The following SMYD3 variants were observed in gnomAD, a reference collection of about 807,000 sequenced individuals.
The protein encoded by SMYD3 is histone-lysine N-methyltransferase SMYD3.
Under a neutral mutation model 57.7 loss-of-function variants are expected in SMYD3, and 36 were observed. That is an observed-to-expected ratio of 0.62 (90% CI 0.48 to 0.82). The LOEUF (loss-of-function observed/expected upper bound fraction) is 0.82, where lower values mean the gene tolerates loss of function less well. Among genes scored for constraint, SMYD3 ranks in the 40% least tolerant of loss-of-function variants. The probability of loss-of-function intolerance (pLI) is 0.00; values close to 1 mark genes in which losing one functional copy is unlikely to be tolerated. For synonymous variants in SMYD3, 211 were observed against 195.0 expected (o/e 1.08, Z -0.68); for missense variants, 515 against 538.8 (o/e 0.96, Z 0.44).
chr1:246,320,094 G>A (rs1462466465), intron 5 of SMYD3, among the ~76,000 whole-genome samples: 3 of 151,600 alleles, frequency 2.0e-5, no homozygotes, highest in Non-Finnish European at 4.4e-5. Flanking sequence ...ATTTCTTATC[G>A]TATTGTGAAT....
chr1:246,096,350 T>C (rs1249456898), intron 5 of SMYD3: 1 of 152,210 alleles, frequency 6.6e-6, no homozygotes, highest in Non-Finnish European at 1.5e-5. Context: ...GTCTTGCCAG[T>C]GGGCAGCTGT....
At chr1:246,118,892 C>T (rs1328881013) in intron 5 of SMYD3, among the ~76,000 whole-genome samples, 1 of 150,464 alleles carries the variant, frequency 6.6e-6, no homozygotes, top group African/African-American at 2.4e-5. Flanking sequence ...CACCTTGAAC[C>T]GTGCAGGACC....
chr1:246,056,598 A>G (rs1188872380), intron 5 of SMYD3, among the ~76,000 whole-genome samples: 1 of 151,968 alleles, frequency 6.6e-6, no homozygotes, highest in Admixed American at 6.6e-5. Flanking sequence ...ATGAGGGGAA[A>G]TAACAAGAGG....
intron 1 of SMYD3, among the ~76,000 whole-genome samples, chr1:246,481,141 G>A (rs1037191546): frequency 6.6e-6 from 1 of 152,056 alleles, no homozygotes; most frequent in Non-Finnish European, 1.5e-5. Flanking sequence ...CAGAGAAAGA[G>A]CAATACACAT....
At chr1:246,376,665 G>A (rs1047861218) in intron 1 of SMYD3, among the ~76,000 whole-genome samples, 7 of 150,144 alleles carry the variant, frequency 4.7e-5, no homozygotes, top group Admixed American at 1.3e-4. Context: ...TACTTGAACT[G>A]TGCACTTATA....
intron 1 of SMYD3, among the ~76,000 whole-genome samples, chr1:246,410,100 A>G (rs2066939053): frequency 6.6e-6 from 1 of 152,208 alleles, no homozygotes; most frequent in South Asian, 2.1e-4. Flanking sequence ...TAGATATACA[A>G]TCATGTCATC....
chr1:245,778,198 G>A (rs1342681958), intron 10 of SMYD3, among the ~76,000 whole-genome samples: 2 of 152,036 alleles, frequency 1.3e-5, no homozygotes, highest in Admixed American at 6.5e-5. Flanking sequence ...GAAACACAAA[G>A]GAATTACAAG....
intron 10 of SMYD3, among the ~76,000 whole-genome samples, chr1:245,765,416 G>C (rs1335193538): frequency 6.6e-6 from 1 of 151,892 alleles, no homozygotes; most frequent in Non-Finnish European, 1.5e-5. Flanking sequence ...TTTCCTTGAG[G>C]CTGAATCATC....
intron 5 of SMYD3, among the ~76,000 whole-genome samples, chr1:246,274,451 G>A (rs1056256841): frequency 1.3e-5 from 2 of 152,222 alleles, no homozygotes; most frequent in African/African-American, 2.4e-5. Flanking sequence ...TTTTATCTGG[G>A]GCTCTGCTTC....
intron 1 of SMYD3, among the ~76,000 whole-genome samples, chr1:246,478,319 G>GAAAGT (rs2068054152): frequency 6.6e-6 from 1 of 152,224 alleles, no homozygotes; most frequent in Non-Finnish European, 1.5e-5. Flanking sequence ...AGGTGAGAAA[G>GAAAGT]CACTGGTCTA....
intron 5 of SMYD3, among the ~76,000 whole-genome samples, chr1:246,012,302 A>C (rs1179649387): frequency 6.6e-6 from 1 of 152,360 alleles, no homozygotes; most frequent in South Asian, 2.1e-4. Flanking sequence ...CACTGTGAAA[A>C]CCCACATTTG....
intron 5 of SMYD3, among the ~76,000 whole-genome samples, chr1:246,286,018 G>A (rs7539976): frequency 0.046 from 7,055 of 152,126 alleles, 549 homozygotes; most frequent in African/African-American, 0.16. Flanking sequence ...CTGTGAAAAG[G>A]GAACACTTCT....
chr1:245,961,221 T>C (rs1019903611), intron 5 of SMYD3, among the ~76,000 whole-genome samples: 7 of 152,198 alleles, frequency 4.6e-5, no homozygotes, highest in African/African-American at 1.7e-4. Flanking sequence ...ATGCTCTCTC[T>C]TCTCATAGAA....
chr1:246,249,696 A>T (rs1242267529), intron 5 of SMYD3, among the ~76,000 whole-genome samples: 4 of 152,194 alleles, frequency 2.6e-5, no homozygotes, highest in South Asian at 2.1e-4. Flanking sequence ...TTTCACCCTT[A>T]AAAAATGTGT....
chr1:245,750,741 T>G (rs2045310994), intron 11 of SMYD3, among the ~76,000 whole-genome samples: 3 of 148,552 alleles, frequency 2.0e-5, no homozygotes, highest in African/African-American at 2.5e-5. Flanking sequence ...TGGGGTGGGG[T>G]GGACTGGGGA....
chr1:245,759,654 C>T (rs77403420), intron 11 of SMYD3, among the ~76,000 whole-genome samples: 2 of 152,156 alleles, frequency 1.3e-5, no homozygotes, highest in African/African-American at 2.4e-5. Context: ...CTAGGACTTG[C>T]GGCCTGGTGC....
intron 5 of SMYD3, among the ~76,000 whole-genome samples, chr1:246,076,328 T>C (rs1453155798): frequency 6.6e-6 from 1 of 152,182 alleles, no homozygotes; most frequent in Non-Finnish European, 1.5e-5. Flanking sequence ...TTCCTATATA[T>C]AGTTAGCCAG....
intron 5 of SMYD3, among the ~76,000 whole-genome samples, chr1:246,199,382 A>C (rs1250442021): frequency 7.9e-5 from 12 of 152,210 alleles, no homozygotes. Context: ...TGGATATATA[A>C]AGAATAAGGA....
intron 8 of SMYD3, among the ~76,000 whole-genome samples, chr1:245,874,721 G>C (rs911195906): frequency 1.3e-5 from 2 of 152,142 alleles, no homozygotes; most frequent in Admixed American, 1.3e-4. Context: ...AAAAATTCTA[G>C]AATTGTATTT....
Sources: gnomAD v4.1 joint callset for allele counts (sites outside exome capture counted in the v4.1 genomes callset) on GRCh38, gnomAD v4.1.1 for gene constraint, MANE v1.5 for transcripts, NCBI Gene and HGNC (gene_info 2026-07-23, HGNC 2026-07-21) for gene names.